The following SYN3 variants were observed in gnomAD, a reference collection of about 807,000 sequenced individuals.
SYN3 encodes the protein synapsin-3.
In SYN3, 35 loss-of-function variants were observed where a neutral mutation model predicts 65.8. The ratio of observed to expected loss-of-function variants is 0.53; its 90% CI spans 0.41 to 0.70. The LOEUF is 0.70. SYN3 is among the 30% of genes least tolerant of loss of function. SYN3 has a pLI of 0.00. For missense variants in SYN3, 680 were observed against 749.0 expected, an observed-to-expected ratio of 0.91 and a Z score of 1.08; for synonymous variants, 270 against 292.9, an observed-to-expected ratio of 0.92 and a Z score of 0.80.
chr22:32,751,627 T>C (rs979955994), intron 6 of SYN3, among the ~76,000 whole-genome samples: 2 of 152,184 alleles, frequency 1.3e-5, no homozygotes, highest in African/African-American at 4.8e-5. Context: ...AGCAGTGGGA[T>C]ATCACCACCT....
chr22:32,920,714 T>C (rs961406583), intron 4 of SYN3, among the ~76,000 whole-genome samples: 2 of 152,204 alleles, frequency 1.3e-5, no homozygotes, highest in Admixed American at 6.5e-5. Flanking sequence ...CTATGCTTTT[T>C]CCACTCTTCT....
In SYN3 at chr22:32,520,721, C is replaced by T. The variant is rs78238259; in HGVS notation, c.1319-2387G>A. Reference sequence around the variant, plus strand: ...AGCCAGCCTCCCTTACCAGATGTCACGTCAGCTGAGCACATTTTCAGAGGA... The same window carrying T: ...AGCCAGCCTCCCTTACCAGATGTCATGTCAGCTGAGCACATTTTCAGAGGA... On this transcript the variant is annotated intron_variant, in intron 12 of 13. Transcript: ENST00000358763. Among the ~76,000 whole-genome samples, 377 of 152,278 alleles carry T rather than the reference C, an allele frequency of 2.5e-3. 3 individuals are homozygous for T. Among genetic ancestry groups the T allele is most frequent in the African/African-American group, 8.6e-3 (356 of 41,548 alleles).
intron 6 of SYN3, among the ~76,000 whole-genome samples, chr22:32,763,318 T>A (rs1303923593): frequency 6.6e-6 from 1 of 152,032 alleles, no homozygotes; most frequent in Non-Finnish European, 1.5e-5. Context: ...GGCTAATTTT[T>A]TTTTTGCATT....
chr22:32,906,754 G>A (rs2049913292), intron 4 of SYN3, among the ~76,000 whole-genome samples: 2 of 152,036 alleles, frequency 1.3e-5, no homozygotes, highest in African/African-American at 4.8e-5. Context: ...GAGAACATGA[G>A]GTGTTTGGTT....
chr22:32,671,460 CAG>C (rs2060362046), intron 6 of SYN3, among the ~76,000 whole-genome samples: 1 of 152,252 alleles, frequency 6.6e-6, no homozygotes, highest in Non-Finnish European at 1.5e-5. Context: ...CTCACACACA[CAG>C]ACACACCCAC....
At chr22:32,780,934 T>TTTCCTTTCCTTCC (rs1555958470) in intron 6 of SYN3, among the ~76,000 whole-genome samples, 1 of 82,620 alleles carries the variant, frequency 1.2e-5, no homozygotes, top group African/African-American at 5.7e-5. Context: ...CCTTCCTTCC[T>TTTCCTTTCCTTCC]TTCCTTCCTT....
At chr22:32,630,495 A>G (rs1369044667) in intron 6 of SYN3, among the ~76,000 whole-genome samples, 1 of 152,230 alleles carries the variant, frequency 6.6e-6, no homozygotes. Context: ...ATCCAACCCT[A>G]CATTTGCATA....
chr22:32,790,415 T>TTTATTTATTTATTTAC (rs2046298736), intron 6 of SYN3, among the ~76,000 whole-genome samples: 1 of 115,010 alleles, frequency 8.7e-6, no homozygotes, highest in Non-Finnish European at 1.9e-5. Context: ...ACTTTATTTA[T>TTTATTTATTTATTTAC]TTATTTATTT....
intron 6 of SYN3, among the ~76,000 whole-genome samples, chr22:32,774,963 T>A (rs898938106): frequency 6.6e-6 from 1 of 152,202 alleles, no homozygotes; most frequent in African/African-American, 2.4e-5. Flanking sequence ...CTGAGGCAGA[T>A]AAGACAAATG....
intron 6 of SYN3, among the ~76,000 whole-genome samples, chr22:32,827,142 C>T (rs1159889382): frequency 6.6e-6 from 1 of 152,218 alleles, no homozygotes; most frequent in East Asian, 1.9e-4. Context: ...GTTTCCTTCC[C>T]AGTTCTGAAA....
At chr22:32,948,157 T>C (rs1569348773) in intron 3 of SYN3, among the ~76,000 whole-genome samples, 1 of 152,236 alleles carries the variant, frequency 6.6e-6, no homozygotes, top group Admixed American at 6.5e-5. Context: ...GAGAAAGTTC[T>C]CTGCTTTTAA....
intron 4 of SYN3, among the ~76,000 whole-genome samples, chr22:32,888,229 A>G (rs2146457665): frequency 6.6e-6 from 1 of 152,324 alleles, no homozygotes; most frequent in Non-Finnish European, 1.5e-5. Context: ...ACACTAAATA[A>G]GATATAACTA....
chr22:32,533,645 C>A, intron 10 of SYN3, 148 bp downstream of exon 10: 2 of 568,654 alleles, frequency 3.5e-6, no homozygotes, highest in South Asian at 2.2e-5. Flanking sequence ...GGGAAGGAGC[C>A]TCCAGAAGCA....
At chr22:33,015,840 C>CTTTTTTTTTTTTTTTTTTTTTTTTTT (rs758927603) in intron 1 of SYN3, among the ~76,000 whole-genome samples, 1 of 139,982 alleles carries the variant, frequency 7.1e-6, no homozygotes, top group African/African-American at 2.8e-5. Context: ...GGCAAATTTT[C>CTTTTTTTTTTTTTTTTTTTTTTTTTT]TTTTCTTTTT....
At chr22:32,969,248 T>A (rs773058201) in intron 3 of SYN3, among the ~76,000 whole-genome samples, 16 of 152,186 alleles carry the variant, frequency 1.1e-4, no homozygotes, top group Non-Finnish European at 1.9e-4. Flanking sequence ...ACCAGGATGC[T>A]GTACTCTCCT....
At position 33,006,529 on chromosome 22, in the gene SYN3, G is replaced by A. The variant is rs2053201751; in HGVS notation, c.134C>T (p.Pro45Leu). 1.2e-6 allele frequency: 2 copies of A among 1,614,218 alleles called. No individual in the cohort carries two copies. Among genetic ancestry groups the A allele is most frequent in the Non-Finnish European group, 1.7e-6 (2 of 1,180,040 alleles). ...PASPAMERRH[P>L]QPLAASFSSP... ...GGAGAAGGAGGCAGCCAGGGGCTGG[G>A]GGTGCCTCCTCTCCATGGCGGGGGA... Residue 45 changes from proline (P) to leucine (L), a missense_variant, in exon 2 of 14, where the codon CCC becomes CTC. Pro to Leu is a moderately conservative substitution (Grantham distance 98, BLOSUM62 -3). Transcript: ENST00000358763.
At chr22:32,529,067 A>T in intron 10 of SYN3, 59 bp from the exon 11 acceptor site, 1 of 1,608,400 alleles carries the variant, frequency 6.2e-7, no homozygotes, top group African/African-American at 1.3e-5. Flanking sequence ...GCGGTTGGGC[A>T]TCACATCCCA....
At chr22:32,739,935 C>T (rs1478207582) in intron 6 of SYN3, among the ~76,000 whole-genome samples, 3 of 152,188 alleles carry the variant, frequency 2.0e-5, no homozygotes, top group Non-Finnish European at 2.9e-5. Flanking sequence ...CTACACATGT[C>T]GGACCACTAT....
chr22:32,777,369 G>T (rs5754271), intron 6 of SYN3, among the ~76,000 whole-genome samples: 107,335 of 151,952 alleles, frequency 0.71, 38,471 homozygotes, highest in African/African-American at 0.83. Context: ...TCATGGCCTG[G>T]AGCCAGCCTG....
Sources: allele counts gnomAD v4.1 joint callset (sites outside exome capture counted in the v4.1 genomes callset), GRCh38; gene constraint gnomAD v4.1.1; transcripts MANE v1.5; gene names NCBI Gene and HGNC (gene_info 2026-07-23, HGNC 2026-07-21).